The following PDHA1 variants were observed in gnomAD, a reference collection of about 807,000 sequenced individuals.
The protein encoded by PDHA1 is pyruvate dehydrogenase E1 component subunit alpha, somatic form, mitochondrial.
In PDHA1, 1 loss-of-function variant was observed where a neutral mutation model predicts 33.0. The observed-to-expected ratio is 0.03, with a 90% confidence interval of 0.01 to 0.14. The LOEUF is 0.14. Ranked by LOEUF, PDHA1 falls within the 10% of genes least tolerant of loss-of-function variation. The pLI, the probability that PDHA1 is intolerant of heterozygous loss-of-function variation, is 1.00. For synonymous variants in PDHA1, 123 were observed against 119.2 expected, an observed-to-expected ratio of 1.03 and a Z score of -0.21; for missense variants, 168 against 325.1, an observed-to-expected ratio of 0.52 and a Z score of 3.72.
chrX:19,344,206 G>C, intron 1 of PDHA1, 112 bp downstream of exon 1: 1 of 632,588 alleles, frequency 1.6e-6, no homozygotes, highest in Non-Finnish European at 2.4e-6. Flanking sequence ...CGCCAGGGGA[G>C]CCGGGGAGCC....
In PDHA1 at chrX:19,360,924, TAAA is replaced by T. The variant is rs1326762125; in HGVS notation, c.*1274_*1276del. On this transcript the variant is annotated 3_prime_UTR_variant, in exon 11 of 11. Coordinates refer to ENST00000422285, the MANE Select transcript of PDHA1 (RefSeq NM_000284.4). ...CCCTAATTTAAAAACCTAATGAAAA[TAAA>T]AACATTCTCCTCACATATGGAGGTG... The T allele has an allele frequency of 1.5e-6, 1 of 674,273 alleles. No individual in the cohort carries two copies. Among genetic ancestry groups the T allele is most frequent in the African/African-American group, 2.2e-5 (1 of 45,575 alleles). The allele number at this position is 674,273 out of a possible 1,213,427, so 55.6% of individuals were successfully genotyped here.
chrX:19,359,527 T>C lies in PDHA1; in HGVS notation c.1047T>C (p.Ala349=), dbSNP rs1458124610. 8.3e-7 allele frequency: 1 copy of C among 1,209,755 alleles called. No individual in the cohort carries two copies. Among genetic ancestry groups the C allele is most frequent in the Admixed American group, 2.2e-5 (1 of 45,969 alleles). ...AAGTGAGGAAGGAGATTGAGGATGC[T>C]GCCCAGTTTGCCACGGCCGATCCTG... ...DVEVRKEIED[A]AQFATADPEP... Residue 349 remains alanine, a synonymous_variant, in exon 11 of 11, where the codon GCT becomes GCC. Coordinates refer to ENST00000422285, the MANE Select transcript of PDHA1 (RefSeq NM_000284.4).
intron 8 of PDHA1, chrX:19,357,345 C>G (rs761221745): frequency 3.2e-6 from 1 of 311,471 alleles, no homozygotes; most frequent in Non-Finnish European, 5.7e-6. Flanking sequence ...CTCTGCCCAC[C>G]TCAGCTTCCC....
chrX:19,358,376 C>G (rs890308237), intron 9 of PDHA1, among the ~76,000 whole-genome samples: 2 of 111,791 alleles, frequency 1.8e-5, no homozygotes, highest in African/African-American at 3.3e-5. Flanking sequence ...TTTAGTGTTA[C>G]TTCAGATGAT....
intron 1 of PDHA1, among the ~76,000 whole-genome samples, chrX:19,345,087 A>G (rs1471293883): frequency 9.0e-6 from 1 of 110,499 alleles, no homozygotes; most frequent in East Asian, 2.8e-4. Flanking sequence ...TGGCCTCAGC[A>G]TTTAGAGGTG....
rs7883320 is a variant in PDHA1 at position 19,346,526 on chromosome X, C to T, written c.57+2432C>T. ...TTTTACTAGAGACATGGTCTTGCTA[C>T]GTTGCCCAGTCTGGTCTCCATCTCC... On this transcript the variant is annotated intron_variant, in intron 1 of 10. Coordinates refer to ENST00000422285, the MANE Select transcript of PDHA1 (RefSeq NM_000284.4). The T allele has an allele frequency of 0.092, 48,394 of 526,018 alleles. 7,286 individuals are homozygous for T. The highest frequency in any genetic ancestry group is 0.65 in the African/African-American group (26,347 of 40,517). 43.3% of individuals were successfully genotyped at this position (526,018 alleles called of 1,213,427 possible).
intron 1 of PDHA1, among the ~76,000 whole-genome samples, chrX:19,346,970 TTTAA>T (rs2063138628): frequency 8.9e-6 from 1 of 111,981 alleles, no homozygotes; most frequent in African/African-American, 3.2e-5. Flanking sequence ...TTTACTTTTT[TTTAA>T]TTAATTTTTT....
intron 1 of PDHA1, chrX:19,345,652 G>T (rs1033083335): frequency 3.9e-5 from 7 of 179,746 alleles, no homozygotes; most frequent in Non-Finnish European, 6.7e-5. Flanking sequence ...CGGTAGTTAC[G>T]GGCTCAGAAA....
chrX:19,361,452 T>G lies in PDHA1; in HGVS notation c.*1799T>G, dbSNP rs1295700862. On this transcript the variant is annotated 3_prime_UTR_variant, in exon 11 of 11. Transcript: ENST00000422285. ...ATCAGATCCTTAAGAGCTGAGCAGC[T>G]GTGTAACAACAGCATAAGAATTTCT... The G allele has an allele frequency of 8.4e-7, 1 of 1,189,306 alleles. No homozygotes were observed.
At position 19,360,381 on chromosome X, in the gene PDHA1, C is replaced by A. The variant is rs1042452; in HGVS notation, c.*728C>A. 1 of 162,995 alleles carries A rather than the reference C, an allele frequency of 6.1e-6. No homozygotes were observed. Among genetic ancestry groups the A allele is most frequent in the Non-Finnish European group, 1.2e-5 (1 of 86,944 alleles). The allele number at this position is 162,995 out of a possible 1,213,427, so 13.4% of individuals were successfully genotyped here. Reference sequence around the variant, plus strand: ...GGGTGTACTTTTTTTGAGACAGGGTCGGGCTCTGTTGCCCAGGCTGGAGTG... The same window carrying A: ...GGGTGTACTTTTTTTGAGACAGGGTAGGGCTCTGTTGCCCAGGCTGGAGTG... On this transcript the variant is annotated 3_prime_UTR_variant, in exon 11 of 11. Coordinates refer to ENST00000422285, the MANE Select transcript of PDHA1 (RefSeq NM_000284.4).
rs745974532 is a variant in PDHA1 at position 19,357,638 on chromosome X, C to T, written c.832-14C>T. The T allele has an allele frequency of 2.1e-5, 25 of 1,197,248 alleles. No homozygotes were observed. The highest frequency in any genetic ancestry group is 1.6e-4 in the South Asian group (9 of 56,507). ...CGTTCCTAACTAACTAACTGCCTAC[C>T]GGTTCTGTTTTAGGGGCCCATCCTG... On this transcript the variant is annotated splice_polypyrimidine_tract_variant and intron_variant, in intron 8 of 10. Coordinates refer to ENST00000422285, the MANE Select transcript of PDHA1 (RefSeq NM_000284.4).
At chrX:19,356,614 G>C (rs12012679) in intron 8 of PDHA1, among the ~76,000 whole-genome samples, 24,125 of 111,239 alleles carry the variant, frequency 0.22, 5,019 homozygotes, top group African/African-American at 0.66. Context: ...GGGTATTGAC[G>C]CCACCTCTCC....
Position 19,354,592 on chromosome X carries a change from G to A in PDHA1, c.603+9G>A. The A allele has an allele frequency of 2.0e-6, 2 of 1,023,643 alleles. No homozygotes were observed. The highest frequency in any genetic ancestry group is 2.2e-5 in the Admixed American group (1 of 45,872). The allele number at this position is 1,023,643 out of a possible 1,213,427, so 84.4% of individuals were successfully genotyped here. On this transcript the variant is annotated intron_variant, in intron 6 of 10. Transcript: ENST00000422285. ...ATGGTGCTGCTAACCAGGTAATTAT[G>A]TCTCTTAACTTCCCAAAAACAGTCT...
At position 19,351,271 on chromosome X, in the gene PDHA1, T is replaced by A; in HGVS notation, c.292-10T>A. On this transcript the variant is annotated splice_polypyrimidine_tract_variant and intron_variant, in intron 3 of 10. Coordinates refer to ENST00000422285, the MANE Select transcript of PDHA1 (RefSeq NM_000284.4). ...ATATTGCCTCATAGTTTCTCCTTCC[T>A]CTAACACAGGAAGCTTGCTGTGTGG... The A allele has an allele frequency of 8.3e-7, 1 of 1,208,110 alleles. No homozygotes were observed. Among genetic ancestry groups the A allele is most frequent in the Non-Finnish European group, 1.1e-6 (1 of 892,276 alleles).
At chrX:19,346,607 C>G (rs751469147) in intron 1 of PDHA1, 34 of 954,718 alleles carry the variant, frequency 3.6e-5, no homozygotes, top group South Asian at 2.3e-4. Flanking sequence ...TACTCTCACT[C>G]TCTTAAAACC....
intron 10 of PDHA1, 142 bp from the exon 11 acceptor site, chrX:19,359,347 G>A: frequency 5.5e-6 from 3 of 541,261 alleles, no homozygotes; most frequent in Non-Finnish European, 9.7e-6. Flanking sequence ...CTAGAAATCT[G>A]TATTCCAAAA....
At chrX:19,356,008 A>G (rs1332506224) in intron 8 of PDHA1, among the ~76,000 whole-genome samples, 1 of 111,842 alleles carries the variant, frequency 8.9e-6, no homozygotes, top group African/African-American at 3.3e-5. Flanking sequence ...CTTCATGACA[A>G]CTGATTTGCC....
In PDHA1 at chrX:19,349,733, A is replaced by G. The variant is rs1316140735; in HGVS notation, c.118-204A>G. Among the ~76,000 whole-genome samples, 8 of 112,366 alleles carry G rather than the reference A, an allele frequency of 7.1e-5. No individual in the cohort carries two copies. The South Asian group carries it at 1.8e-3, about 26-fold the overall frequency. ...GGGCTTTCAGTGAAAATCATCTTAG[A>G]AAGATTTCCTTCCCCCAAGCCCCAT... On this transcript the variant is annotated intron_variant, in intron 2 of 10. Coordinates refer to ENST00000422285, the MANE Select transcript of PDHA1 (RefSeq NM_000284.4).
rs1013526559 is a variant in PDHA1, at chrX:19,360,002, A to G, written c.*349A>G. On this transcript the variant is annotated 3_prime_UTR_variant, in exon 11 of 11. Transcript: ENST00000422285. Reference sequence around the variant, plus strand: ...GGCCCCTCACAGCATTCTACCAACCATAGCACCCACCCCGAGCAGCGCTGG... The same window carrying G: ...GGCCCCTCACAGCATTCTACCAACCGTAGCACCCACCCCGAGCAGCGCTGG... 202 of 278,187 alleles carry G rather than the reference A, an allele frequency of 7.3e-4. 1 individual carries two copies. The highest frequency in any genetic ancestry group is 3.5e-3 in the Admixed American group (65 of 18,823). The allele number at this position is 278,187 out of a possible 1,213,427, so 22.9% of individuals were successfully genotyped here. A position where few individuals can be genotyped will look rare whatever the true frequency, so the allele number is the denominator to read the frequency against.
Sources: allele counts gnomAD v4.1 joint callset (sites outside exome capture counted in the v4.1 genomes callset), GRCh38; gene constraint gnomAD v4.1.1; transcripts MANE v1.5; gene names NCBI Gene and HGNC (gene_info 2026-07-23, HGNC 2026-07-21).